MBD2: variants seen among roughly 807,000 people sequenced by gnomAD.
MBD2 encodes methyl-CpG binding domain protein 2.
In MBD2, 9 loss-of-function variants were observed where a neutral mutation model predicts 39.3. The ratio of observed to expected loss-of-function variants is 0.23; its 90% CI spans 0.14 to 0.40. MBD2 has a LOEUF of 0.40. MBD2 is among the 10% of genes least tolerant of loss of function. MBD2 has a pLI of 1.00. For missense variants in MBD2, 458 were observed against 532.6 expected (o/e 0.86, Z 1.38); for synonymous variants, 233 against 211.1 (o/e 1.10, Z -0.90).
At chr18:54,207,039 C>T (rs999694350) in intron 1 of MBD2, among the ~76,000 whole-genome samples, 1 of 152,148 alleles carries the variant, frequency 6.6e-6, no homozygotes, top group Admixed American at 6.5e-5. Flanking sequence ...TTTCAGCGCC[C>T]CCATGTCTCA....
At chr18:54,194,557 G>GTATATA (rs147119140) in intron 2 of MBD2, among the ~76,000 whole-genome samples, 3 of 148,712 alleles carry the variant, frequency 2.0e-5, no homozygotes, top group African/African-American at 7.4e-5. Flanking sequence ...GTGTGTGTGT[G>GTATATA]TATATATATA....
intron 5 of MBD2, among the ~76,000 whole-genome samples, chr18:54,161,717 G>C (rs1321263583): frequency 6.6e-6 from 1 of 152,166 alleles, no homozygotes; most frequent in Non-Finnish European, 1.5e-5. Flanking sequence ...CATTGCTGTA[G>C]GCAGAATTGT....
At chr18:54,182,269 C>T (rs564598157) in intron 3 of MBD2, among the ~76,000 whole-genome samples, 1 of 152,210 alleles carries the variant, frequency 6.6e-6, no homozygotes, top group East Asian at 1.9e-4. Flanking sequence ...TAGTTGTGAT[C>T]AGAAAAGAAG....
At chr18:54,201,406 T>A (rs539530536) in intron 2 of MBD2, among the ~76,000 whole-genome samples, 1 of 152,156 alleles carries the variant, frequency 6.6e-6, no homozygotes, top group Non-Finnish European at 1.5e-5. Flanking sequence ...TAAGGTATAA[T>A]GTAATCAAGA....
intron 1 of MBD2, among the ~76,000 whole-genome samples, chr18:54,209,641 T>C (rs2086484242): frequency 6.6e-6 from 1 of 152,182 alleles, no homozygotes; most frequent in African/African-American, 2.4e-5. Flanking sequence ...TCAACCTGGC[T>C]GCCCCAGGGG....
chr18:54,194,278 C>T (rs1325853052), intron 2 of MBD2, among the ~76,000 whole-genome samples: 1 of 152,026 alleles, frequency 6.6e-6, no homozygotes, highest in East Asian at 1.9e-4. Flanking sequence ...CCCACCATTA[C>T]CTACATTACC....
chr18:54,207,093 T>C (rs896706891), intron 1 of MBD2, among the ~76,000 whole-genome samples: 1 of 152,212 alleles, frequency 6.6e-6, no homozygotes, highest in Non-Finnish European at 1.5e-5. Flanking sequence ...AGCTCCTCAA[T>C]GTTGACAAAA....
At chr18:54,223,765 C>T (rs1268748864) in intron 1 of MBD2, among the ~76,000 whole-genome samples, 1 of 152,144 alleles carries the variant, frequency 6.6e-6, no homozygotes, top group Non-Finnish European at 1.5e-5. Context: ...CCAGGCTAAC[C>T]CTTTCTTCGC....
At chr18:54,177,607 A>T (rs933278539) in intron 3 of MBD2, among the ~76,000 whole-genome samples, 7 of 151,950 alleles carry the variant, frequency 4.6e-5, no homozygotes, top group African/African-American at 1.7e-4. Context: ...CGGCCTCCGG[A>T]GTAGCTGGGA....
intron 3 of MBD2, among the ~76,000 whole-genome samples, chr18:54,184,968 T>C (rs2086275466): frequency 6.6e-6 from 1 of 152,198 alleles, no homozygotes; most frequent in South Asian, 2.1e-4. Flanking sequence ...TATTTGTCAG[T>C]CATTAAGAAC....
intron 1 of MBD2, among the ~76,000 whole-genome samples, chr18:54,223,453 A>G (rs2086631746): frequency 1.3e-5 from 2 of 152,136 alleles, no homozygotes; most frequent in African/African-American, 4.8e-5. Flanking sequence ...CTGGGGAGCA[A>G]ATTTTGGTCT....
intron 4 of MBD2, among the ~76,000 whole-genome samples, chr18:54,165,053 A>G (rs1254342373): frequency 6.6e-6 from 1 of 152,236 alleles, no homozygotes; most frequent in Non-Finnish European, 1.5e-5. Context: ...TCCTCAAGCA[A>G]TGTTAATTAT....
chr18:54,201,453 T>G (rs1052607640), intron 2 of MBD2, among the ~76,000 whole-genome samples: 8 of 152,118 alleles, frequency 5.3e-5, no homozygotes, highest in African/African-American at 1.9e-4. Context: ...AAGATTGAGT[T>G]TGAGATATCT....
At chr18:54,177,298 T>C (rs2086218436) in intron 3 of MBD2, among the ~76,000 whole-genome samples, 2 of 152,222 alleles carry the variant, frequency 1.3e-5, no homozygotes, top group East Asian at 1.9e-4. Context: ...TTCGACTTTT[T>C]TGTTTATATA....
intron 3 of MBD2, among the ~76,000 whole-genome samples, chr18:54,167,938 T>G (rs1250237682): frequency 6.8e-6 from 1 of 146,534 alleles, no homozygotes; most frequent in East Asian, 2.0e-4. Flanking sequence ...GTTTTGAATA[T>G]CACAGCTATA....
intron 5 of MBD2, among the ~76,000 whole-genome samples, chr18:54,160,842 A>G (rs2086091882): frequency 6.6e-6 from 1 of 152,028 alleles, no homozygotes. Context: ...CAAGAACAGA[A>G]GGCAATGGCA....
intron 2 of MBD2, among the ~76,000 whole-genome samples, chr18:54,199,990 GATC>G (rs1266806414): frequency 2.0e-5 from 3 of 151,644 alleles, no homozygotes; most frequent in Non-Finnish European, 4.4e-5. Context: ...GTACTTTCTA[GATC>G]ATGTGACTGA....
chr18:54,168,409 G>A (rs1013108151), intron 3 of MBD2, among the ~76,000 whole-genome samples: 7 of 151,500 alleles, frequency 4.6e-5, no homozygotes, highest in African/African-American at 1.5e-4. Context: ...CTGATACCCC[G>A]CAACTACAGC....
chr18:54,163,701 C>T (rs2086111620), intron 5 of MBD2, among the ~76,000 whole-genome samples: 1 of 151,964 alleles, frequency 6.6e-6, no homozygotes, highest in Non-Finnish European at 1.5e-5. Context: ...TTGTCTCATT[C>T]CTGGCTCTGT....
Sources: allele counts gnomAD v4.1 joint callset (sites outside exome capture counted in the v4.1 genomes callset), GRCh38; gene constraint gnomAD v4.1.1; transcripts MANE v1.5; gene names NCBI Gene and HGNC (gene_info 2026-07-23, HGNC 2026-07-21).